The following SDK1 variants were observed in gnomAD, a reference collection of about 807,000 sequenced individuals.
SDK1 encodes sidekick cell adhesion molecule 1, also known as protein sidekick-1.
SDK1 carries 157 observed loss-of-function variants against 245.5 expected under a neutral mutation model. The observed-to-expected ratio is 0.64, with a 90% CI of 0.56 to 0.73. The LOEUF (loss-of-function observed/expected upper bound fraction) is 0.73, where lower values mean the gene tolerates loss of function less well. Among genes scored for constraint, SDK1 ranks in the 30% least tolerant of loss-of-function variants. SDK1 has a pLI of 0.00. For synonymous variants in SDK1, 1,647 were observed against 1,278.5 expected (o/e 1.29, Z -6.15); for missense variants, 3,583 against 3,002.3 (o/e 1.19, Z -4.52).
chr7:4,045,435 G>A (rs749960059), intron 17 of SDK1, among the ~76,000 whole-genome samples: 13 of 151,690 alleles, frequency 8.6e-5, no homozygotes, highest in African/African-American at 1.5e-4. Context: ...TTGTAGGGAC[G>A]GGGTCTCTCT....
At chr7:3,768,037 A>G (rs1198606643) in intron 4 of SDK1, among the ~76,000 whole-genome samples, 2 of 152,214 alleles carry the variant, frequency 1.3e-5, no homozygotes. Context: ...GCAGCAGGGC[A>G]TTAATCTTTC....
chr7:3,622,232 C>G (rs953517533), intron 2 of SDK1, among the ~76,000 whole-genome samples: 1 of 152,192 alleles, frequency 6.6e-6, no homozygotes, highest in African/African-American at 2.4e-5. Flanking sequence ...AATCTCAGCA[C>G]TTTGGGAGGG....
intron 1 of SDK1, among the ~76,000 whole-genome samples, chr7:3,529,904 C>T (rs954366179): frequency 6.6e-6 from 1 of 152,144 alleles, no homozygotes; most frequent in South Asian, 2.1e-4. Flanking sequence ...AGTCTGGGTA[C>T]GAGAAAACAC....
At chr7:4,014,756 T>C (rs1197112668) in intron 16 of SDK1, among the ~76,000 whole-genome samples, 1 of 152,208 alleles carries the variant, frequency 6.6e-6, no homozygotes, top group Non-Finnish European at 1.5e-5. Context: ...CATCTTGTTC[T>C]GGCTGAGATG....
In SDK1 at chr7:3,301,617, G is replaced by C; in HGVS notation, c.31G>C (p.Gly11Arg). 1.0e-6 allele frequency: 1 copy of C among 977,356 alleles called. No homozygotes were observed. The highest frequency in any genetic ancestry group is 1.2e-6 in the Non-Finnish European group (1 of 826,354). The allele number at this position is 977,356 out of a possible 1,614,324, so 60.5% of individuals were successfully genotyped here. A position where few individuals can be genotyped will look rare whatever the true frequency, so the allele number is the denominator to read the frequency against. The stretch of plus-strand genomic sequence containing the variant: ...CCGGGGCGCCCGGCCCTCGGCGGCC[G>C]GTGGCGGCGGCGGCGGCGCGGAGCC... Reference protein sequence around the residue: MARGARPSAAGGGGGGAEPPE... With the variant: MARGARPSAARGGGGGAEPPE... Residue 11 changes from glycine (G) to arginine (R), a missense_variant, in exon 1 of 45, where the codon GGT becomes CGT. By Grantham distance (125) the Gly-to-Arg change is moderately radical. Transcript: ENST00000404826.
At chr7:3,710,357 C>G (rs1392504027) in intron 4 of SDK1, among the ~76,000 whole-genome samples, 2 of 152,180 alleles carry the variant, frequency 1.3e-5, no homozygotes, top group African/African-American at 4.8e-5. Flanking sequence ...TTCTTGTTGA[C>G]TGGTTATTCT....
chr7:3,962,985 A>G, intron 9 of SDK1, 134 bp downstream of exon 9: 1 of 432,856 alleles, frequency 2.3e-6, no homozygotes, highest in South Asian at 3.7e-5. Flanking sequence ...TCCAGTGAGT[A>G]CACTCAGCTC....
chr7:4,087,419 T>G (rs555749086), intron 22 of SDK1, among the ~76,000 whole-genome samples: 26 of 152,242 alleles, frequency 1.7e-4, no homozygotes, highest in African/African-American at 6.3e-4. Flanking sequence ...AAACTATGCT[T>G]TAATATCTGG....
At chr7:4,082,561 G>T (rs59285000) in intron 22 of SDK1, among the ~76,000 whole-genome samples, 2,137 of 149,736 alleles carry the variant, frequency 0.014, 52 homozygotes, top group African/African-American at 0.05. Context: ...GAAAAGAAAA[G>T]AAATTTTTAC....
intron 4 of SDK1, among the ~76,000 whole-genome samples, chr7:3,705,345 G>A (rs1784853673): frequency 6.6e-6 from 1 of 151,450 alleles, no homozygotes; most frequent in African/African-American, 2.4e-5. Flanking sequence ...CCATTTATTT[G>A]TCATCTATGA....
intron 17 of SDK1, among the ~76,000 whole-genome samples, chr7:4,030,681 T>C (rs1787742039): frequency 6.6e-6 from 1 of 152,238 alleles, no homozygotes. Context: ...TAATTTCATA[T>C]AACAAAACCA....
At chr7:3,818,410 A>T (rs1440829861) in intron 4 of SDK1, among the ~76,000 whole-genome samples, 2 of 152,224 alleles carry the variant, frequency 1.3e-5, no homozygotes, top group East Asian at 3.8e-4. Flanking sequence ...AGCAAAAGTG[A>T]TATTTATTGT....
Position 3,821,540 on chromosome 7 carries a change from T to C in SDK1, c.804T>C (p.Asn268=), listed in dbSNP as rs903378465. ...AYYVQAVNEK[N]GENKTSPFIH... Reference sequence around the variant, plus strand: ...ACGTGCAGGCCGTGAATGAGAAAAATGGAGAAAACAAGACAAGCCCATTCA... The same window carrying C: ...ACGTGCAGGCCGTGAATGAGAAAAACGGAGAAAACAAGACAAGCCCATTCA... The change falls in exon 5 of 45, where the codon AAT becomes AAC. Residue 268 remains asparagine (N), a synonymous_variant. Coordinates refer to ENST00000404826, the MANE Select transcript of SDK1 (RefSeq NM_152744.4). 6.2e-6 allele frequency: 10 copies of C among 1,613,514 alleles called. No homozygotes were observed. The highest frequency in any genetic ancestry group is 8.5e-6 in the Non-Finnish European group (10 of 1,179,762).
chr7:3,812,451 G>T (rs948907439), intron 4 of SDK1, among the ~76,000 whole-genome samples: 4 of 152,046 alleles, frequency 2.6e-5, no homozygotes, highest in Non-Finnish European at 4.4e-5. Context: ...CCACCGCTTG[G>T]GTCTATATTT....
chr7:4,124,553 C>T (rs1405398966), intron 25 of SDK1, among the ~76,000 whole-genome samples: 1 of 152,204 alleles, frequency 6.6e-6, no homozygotes, highest in Non-Finnish European at 1.5e-5. Context: ...CGCATCTTAA[C>T]GAGTTACATC....
intron 1 of SDK1, among the ~76,000 whole-genome samples, chr7:3,447,110 C>G (rs1780364029): frequency 2.0e-5 from 3 of 152,226 alleles, no homozygotes; most frequent in African/African-American, 7.2e-5. Flanking sequence ...TAGAATACAT[C>G]TCATTTAAGA....
At chr7:3,577,335 C>CTT (rs1410297740) in intron 1 of SDK1, among the ~76,000 whole-genome samples, 2 of 152,186 alleles carry the variant, frequency 1.3e-5, no homozygotes, top group East Asian at 3.9e-4. Flanking sequence ...GAAACAGAGA[C>CTT]TTGAAGGATA....
intron 4 of SDK1, among the ~76,000 whole-genome samples, chr7:3,668,063 A>G (rs886656316): frequency 6.6e-6 from 1 of 152,210 alleles, no homozygotes; most frequent in Non-Finnish European, 1.5e-5. Context: ...TTAGCTTGCT[A>G]TACCTAACAA....
At chr7:3,967,631 C>T (rs928055320) in intron 10 of SDK1, among the ~76,000 whole-genome samples, 197 bp downstream of exon 10, 2 of 152,238 alleles carry the variant, frequency 1.3e-5, no homozygotes, top group Non-Finnish European at 1.5e-5. Context: ...TCTCCATGGT[C>T]TCCAGTGGGG....
Sources: allele counts gnomAD v4.1 joint callset (sites outside exome capture counted in the v4.1 genomes callset), GRCh38; gene constraint gnomAD v4.1.1; transcripts MANE v1.5; gene names NCBI Gene and HGNC (gene_info 2026-07-23, HGNC 2026-07-21).